ST6GAL1: variants seen among roughly 807,000 people sequenced by gnomAD.
ST6GAL1 encodes the protein beta-galactoside alpha-2,6-sialyltransferase 1.
ST6GAL1 carries 20 observed loss-of-function variants against 38.0 expected under a neutral mutation model. That is an observed-to-expected ratio of 0.53 (90% CI 0.37 to 0.77). The LOEUF is 0.77. Ranked by LOEUF, ST6GAL1 falls within the 30% of genes least tolerant of loss-of-function variation. The pLI is 0.00. For synonymous variants in ST6GAL1, 196 were observed against 188.2 expected (o/e 1.04, Z -0.34); for missense variants, 432 against 496.4 (o/e 0.87, Z 1.23).
chr3:187,050,544 G>A (rs75875744), intron 4 of ST6GAL1, among the ~76,000 whole-genome samples: 1 of 145,832 alleles, frequency 6.9e-6, no homozygotes. Context: ...AAGAGAGAGA[G>A]AGAGAGAGAG....
At chr3:187,074,467 G>C in intron 7 of ST6GAL1, 134 bp downstream of exon 7, 1 of 958,206 alleles carries the variant, frequency 1.0e-6, no homozygotes, top group Non-Finnish European at 1.5e-6. Flanking sequence ...TCTGCTTGTA[G>C]ACCATGCCAA....
At chr3:187,034,688 T>C (rs1009209912) in intron 2 of ST6GAL1, among the ~76,000 whole-genome samples, 8 of 152,158 alleles carry the variant, frequency 5.3e-5, no homozygotes, top group Non-Finnish European at 1.0e-4. Flanking sequence ...GAAAAAGATT[T>C]TGATAAAATC....
chr3:186,944,438 T>C (rs1471439253), intron 1 of ST6GAL1, among the ~76,000 whole-genome samples: 1 of 152,212 alleles, frequency 6.6e-6, no homozygotes. Flanking sequence ...TCCTCCAAGA[T>C]AATTCCTGGG....
chr3:187,043,588 C>T (rs1219246306), intron 4 of ST6GAL1, among the ~76,000 whole-genome samples: 10 of 152,062 alleles, frequency 6.6e-5, no homozygotes, highest in South Asian at 2.1e-4. Context: ...TATTTTGATA[C>T]GTGTATTCAA....
rs144048474 is a variant in ST6GAL1 at position 187,063,604 on chromosome 3, G to C, written c.706-9245G>C. 4.7e-4 allele frequency among the ~76,000 whole-genome samples: 72 copies of C among 152,230 alleles called. No individual in the cohort carries two copies. The East Asian group carries it at 0.013, about 27-fold the overall frequency. ...AGCAGCAAAGAGGAGAGGGGAGAGG[G>C]GAGGAGCCCTCCCTGAGCACTCTCT... On this transcript the variant is annotated intron_variant, in intron 5 of 7. Coordinates refer to ENST00000169298, the MANE Select transcript of ST6GAL1 (RefSeq NM_173216.2).
At position 186,966,318 on chromosome 3, in the gene ST6GAL1, T is replaced by C. The variant is rs1268115393; in HGVS notation, c.-183+2392T>C. ...CACAGTGTTTTGTAATCTGTCTACA[T>C]TATCTTATTTAATTCTGCAATGAGC... is the stretch of plus-strand genomic sequence containing the variant. On this transcript the variant is annotated intron_variant, in intron 2 of 7. Coordinates refer to ENST00000169298, the MANE Select transcript of ST6GAL1 (RefSeq NM_173216.2). 1.3e-5 allele frequency among the ~76,000 whole-genome samples: 2 copies of C among 152,226 alleles called. 1 individual carries two copies. Among genetic ancestry groups the C allele is most frequent in the East Asian group, 3.9e-4 (2 of 5,194 alleles).
chr3:187,076,121 C>T lies in ST6GAL1; in HGVS notation c.*318C>T. On this transcript the variant is annotated 3_prime_UTR_variant, in exon 8 of 8. Transcript: ENST00000169298. ...ATCTCTCCCATCAGGGCTGCCAAAG[C>T]TGGGCTTTGTTTTTCCCAGCAGAAT... 3.2e-6 allele frequency: 1 copy of T among 313,156 alleles called. No individual in the cohort carries two copies. 19.4% of individuals were successfully genotyped at this position (313,156 alleles called of 1,614,324 possible).
At chr3:187,052,039 C>G (rs904360934) in intron 5 of ST6GAL1, among the ~76,000 whole-genome samples, 1 of 152,170 alleles carries the variant, frequency 6.6e-6, no homozygotes, top group African/African-American at 2.4e-5. Context: ...TCTGAATAAA[C>G]ATATGTGCTC....
chr3:187,022,373 A>AG (rs1717352057), intron 2 of ST6GAL1, among the ~76,000 whole-genome samples: 1 of 152,112 alleles, frequency 6.6e-6, no homozygotes, highest in African/African-American at 2.4e-5. Context: ...GTAGAGGGTT[A>AG]GGGGAGGGCT....
At chr3:186,940,598 T>C (rs1366706328) in intron 1 of ST6GAL1, among the ~76,000 whole-genome samples, 2 of 152,244 alleles carry the variant, frequency 1.3e-5, no homozygotes, top group Non-Finnish European at 2.9e-5. Context: ...TTTTGTGTTT[T>C]TCTTTTTTCT....
At chr3:187,021,250 T>C (rs531028561) in intron 2 of ST6GAL1, among the ~76,000 whole-genome samples, 89 of 151,906 alleles carry the variant, frequency 5.9e-4, no homozygotes, top group African/African-American at 2.1e-3. Context: ...GCGTGAGCCA[T>C]CATGCCTGGA....
intron 2 of ST6GAL1, among the ~76,000 whole-genome samples, chr3:186,972,679 T>C (rs987369186): frequency 3.9e-5 from 6 of 152,066 alleles, no homozygotes; most frequent in African/African-American, 1.2e-4. Flanking sequence ...ATAGTAGGTG[T>C]TTATTTAAAA....
In ST6GAL1 at chr3:186,934,746, T is replaced by TTTA. The variant is rs1560133275; in HGVS notation, c.-325+3914_-325+3915insATT. 3.0e-3 allele frequency among the ~76,000 whole-genome samples: 456 copies of TTTA among 150,412 alleles called. 1 individual carries two copies. The highest frequency in any genetic ancestry group is 0.01 in the African/African-American group (422 of 40,890). ...TGAGTGCTTACCAGCTTTTAAAAAA[T>TTTA]TTTATTTATTTATGTATTTATTTAT... On this transcript the variant is annotated intron_variant, in intron 1 of 7. Coordinates refer to ENST00000169298, the MANE Select transcript of ST6GAL1 (RefSeq NM_173216.2).
intron 3 of ST6GAL1, 57 bp downstream of exon 3, chr3:187,038,930 G>C (rs1456909196): frequency 6.6e-6 from 1 of 152,220 alleles, no homozygotes; most frequent in Non-Finnish European, 1.5e-5. Context: ...AGTAAAAGCT[G>C]GTGTGGCAGA....
chr3:187,071,795 A>G (rs1261867641), intron 5 of ST6GAL1, among the ~76,000 whole-genome samples: 3 of 144,716 alleles, frequency 2.1e-5, no homozygotes, highest in Admixed American at 2.0e-4. Flanking sequence ...AAAAAAAAAA[A>G]GAAAAAGAAA....
chr3:186,944,799 G>C (rs1049249384), intron 1 of ST6GAL1, among the ~76,000 whole-genome samples: 40 of 152,170 alleles, frequency 2.6e-4, no homozygotes, highest in Non-Finnish European at 2.6e-4. Flanking sequence ...AGTCTGCGGA[G>C]GCACTCGTCG....
intron 1 of ST6GAL1, among the ~76,000 whole-genome samples, chr3:186,940,913 CAT>C (rs1397307390): frequency 6.6e-6 from 1 of 151,360 alleles, no homozygotes; most frequent in Non-Finnish European, 1.5e-5. Context: ...AGACCTCAAA[CAT>C]ATGGAGAGAT....
intron 2 of ST6GAL1, among the ~76,000 whole-genome samples, chr3:187,001,108 A>G (rs1365208632): frequency 6.6e-6 from 1 of 152,246 alleles, no homozygotes; most frequent in Non-Finnish European, 1.5e-5. Flanking sequence ...ACAGGTTTCA[A>G]GCTGGCCATG....
Position 187,046,740 on chromosome 3 carries a change from T to C in ST6GAL1, c.607+3430T>C, listed in dbSNP as rs528294650. ...GAGTAGCTTGGAGAACATGATCAGT[T>C]ATATCAGGGGTCAGCAAGCTTTTCT... On this transcript the variant is annotated intron_variant, in intron 4 of 7. Coordinates refer to ENST00000169298, the MANE Select transcript of ST6GAL1 (RefSeq NM_173216.2). Among the ~76,000 whole-genome samples the C allele has an allele frequency of 2.9e-4, 44 of 152,126 alleles. No individual in the cohort carries two copies. In the South Asian group the frequency reaches 7.5e-3, roughly 26 times the overall value.
Sources: gnomAD v4.1 joint callset for allele counts (sites outside exome capture counted in the v4.1 genomes callset) on GRCh38, gnomAD v4.1.1 for gene constraint, MANE v1.5 for transcripts, NCBI Gene and HGNC (gene_info 2026-07-23, HGNC 2026-07-21) for gene names.